The following ATF7IP2 variants were observed in gnomAD, a reference collection of about 807,000 sequenced individuals.
ATF7IP2 encodes activating transcription factor 7-interacting protein 2.
ATF7IP2 carries 42 observed loss-of-function variants against 64.2 expected under a neutral mutation model. That is an observed-to-expected ratio of 0.65 (90% CI 0.51 to 0.85). ATF7IP2 has a LOEUF of 0.85. ATF7IP2 is among the 40% of genes least tolerant of loss of function. ATF7IP2 has a pLI of 0.00. For missense variants in ATF7IP2, 933 were observed against 784.2 expected (o/e 1.19, Z -2.27); for synonymous variants, 308 against 272.8 (o/e 1.13, Z -1.27).
intron 9 of ATF7IP2, among the ~76,000 whole-genome samples, chr16:10,461,199 T>C (rs985868245): frequency 1.3e-5 from 2 of 152,118 alleles, no homozygotes; most frequent in Non-Finnish European, 2.9e-5. Context: ...CTACTGGGTA[T>C]TGGTGAAGTT....
chr16:10,411,352 T>TG (rs1174403989), intron 1 of ATF7IP2, among the ~76,000 whole-genome samples: 3 of 19,756 alleles, frequency 1.5e-4, no homozygotes, highest in African/African-American at 3.0e-4. Flanking sequence ...GGCCTTTTTG[T>TG]TTTTTTTTTT....
At chr16:10,461,084 A>T (rs2049358604) in intron 9 of ATF7IP2, among the ~76,000 whole-genome samples, 1 of 152,210 alleles carries the variant, frequency 6.6e-6, no homozygotes, top group Non-Finnish European at 1.5e-5. Context: ...CAATATACAT[A>T]TGAAAAGGTG....
chr16:10,472,253 G>A, intron 10 of ATF7IP2, 70 bp downstream of exon 10: 2 of 712,200 alleles, frequency 2.8e-6, no homozygotes, highest in Admixed American at 2.8e-5. Flanking sequence ...GCTTTAAAGT[G>A]AAAAATTGAA....
intron 9 of ATF7IP2, among the ~76,000 whole-genome samples, chr16:10,463,001 T>C (rs1335985822): frequency 6.6e-6 from 1 of 152,214 alleles, no homozygotes; most frequent in African/African-American, 2.4e-5. Context: ...TTCTTGGTTA[T>C]TTTTTACAAA....
chr16:10,427,259 A>G (rs939805779), intron 3 of ATF7IP2, among the ~76,000 whole-genome samples: 2 of 152,216 alleles, frequency 1.3e-5, no homozygotes, highest in African/African-American at 4.8e-5. Context: ...AGACAAGTAA[A>G]CATAGCTAAT....
At chr16:10,388,892 G>C (rs1174013508) in intron 1 of ATF7IP2, among the ~76,000 whole-genome samples, 1 of 151,958 alleles carries the variant, frequency 6.6e-6, no homozygotes, top group Non-Finnish European at 1.5e-5. Context: ...GGCGCCTGTA[G>C]TCCCAGCTTC....
intron 1 of ATF7IP2, among the ~76,000 whole-genome samples, chr16:10,405,543 C>G (rs1287762191): frequency 6.6e-6 from 1 of 152,198 alleles, no homozygotes; most frequent in East Asian, 1.9e-4. Context: ...GAGAAACATC[C>G]TGCCTAACCA....
At chr16:10,408,616 G>T (rs1050347523) in intron 1 of ATF7IP2, among the ~76,000 whole-genome samples, 1 of 152,112 alleles carries the variant, frequency 6.6e-6, no homozygotes, top group East Asian at 1.9e-4. Context: ...TCATATGTTT[G>T]TTGGCCATTG....
chr16:10,478,149 A>G (rs547572837), intron 12 of ATF7IP2, among the ~76,000 whole-genome samples: 1 of 150,772 alleles, frequency 6.6e-6, no homozygotes, highest in Non-Finnish European at 1.5e-5. Flanking sequence ...ATTGGAAAAA[A>G]CTACTTTAAA....
intron 1 of ATF7IP2, among the ~76,000 whole-genome samples, chr16:10,404,669 C>T (rs2047600223): frequency 1.3e-5 from 2 of 152,168 alleles, no homozygotes; most frequent in Admixed American, 1.3e-4. Flanking sequence ...CTGCCTCCAG[C>T]TGGGACTACA....
rs1210289473 is a variant in ATF7IP2 at position 10,416,493 on chromosome 16, T to TA, written c.-203+1886dup. 2.0e-5 allele frequency among the ~76,000 whole-genome samples: 3 copies of TA among 152,132 alleles called. No homozygotes were observed. In the East Asian group the frequency reaches 5.8e-4, roughly 29 times the overall value. On this transcript the variant is annotated intron_variant, in intron 2 of 13. Coordinates refer to ENST00000562102, the MANE Select transcript of ATF7IP2 (RefSeq NM_001393719.1). Reference sequence around the variant, plus strand: ...AGAAGGTGGGGGTGGTTAATGGGTATAAAAAGTAGTTAGAATGGGCCAGGC... The same window carrying TA: ...AGAAGGTGGGGGTGGTTAATGGGTATAAAAAAGTAGTTAGAATGGGCCAGGC...
intron 9 of ATF7IP2, among the ~76,000 whole-genome samples, chr16:10,470,801 G>GTATATA (rs111732771): frequency 6.9e-6 from 1 of 144,846 alleles, no homozygotes; most frequent in African/African-American, 2.6e-5. Flanking sequence ...ATATATATAT[G>GTATATA]TATATATATA....
rs756440051 is a variant in ATF7IP2, at chr16:10,440,444, C to A, written c.1176C>A (p.Ser392=). The change falls in exon 8 of 14, where the codon TCC becomes TCA. Residue 392 remains serine, a synonymous_variant. Transcript: ENST00000562102. ...QRNCLKPNML[S]SNGASKVANS... ...ATTGTTTGAAACCAAACATGTTATC[C>A]AGTAATGGAGCCTCTAAGGTTTGTA... 3 of 1,541,430 alleles carry A rather than the reference C, an allele frequency of 1.9e-6. No homozygotes were observed. The Admixed American group carries it at 6.3e-5, about 32-fold the overall frequency.
intron 7 of ATF7IP2, among the ~76,000 whole-genome samples, chr16:10,438,977 A>G (rs2048515709): frequency 6.8e-6 from 1 of 148,054 alleles, no homozygotes; most frequent in Non-Finnish European, 1.5e-5. Flanking sequence ...TGCTTGAACC[A>G]AGGAGGCAGA....
chr16:10,450,591 A>G (rs897566028), intron 8 of ATF7IP2, among the ~76,000 whole-genome samples: 5 of 151,154 alleles, frequency 3.3e-5, no homozygotes, highest in African/African-American at 1.2e-4. Context: ...TCTTTTGATC[A>G]TTGTTGGTTT....
intron 1 of ATF7IP2, among the ~76,000 whole-genome samples, chr16:10,405,022 T>C (rs1596447026): frequency 6.6e-6 from 1 of 152,148 alleles, no homozygotes; most frequent in Admixed American, 6.5e-5. Flanking sequence ...CACCAGTAAG[T>C]AGACCCTCCC....
In ATF7IP2 at chr16:10,430,649, A is replaced by G; in HGVS notation, c.29A>G (p.Lys10Arg). The G allele has an allele frequency of 6.2e-7, 1 of 1,613,768 alleles. No individual in the cohort carries two copies. Among genetic ancestry groups the G allele is most frequent in the South Asian group, 1.1e-5 (1 of 91,058 alleles). The change falls in exon 5 of 14, where the codon AAG (lysine) becomes AGG (arginine). Residue 10 changes from lysine (K) to arginine (R), a missense_variant. Lys to Arg is a conservative substitution (Grantham distance 26). Coordinates refer to ENST00000562102, the MANE Select transcript of ATF7IP2 (RefSeq NM_001393719.1). Reference protein sequence around the residue: MASPDRSKRKILKAKKTMPL... With the variant: MASPDRSKRRILKAKKTMPL... ...GCAAGTCCAGATAGAAGTAAACGGA[A>G]GATATTAAAAGCCAAAAAGACAATG...
rs2048261883 is a variant in ATF7IP2, at chr16:10,431,734, C to T, written c.835+279C>T. ...GCAATTATTTGGTTCATTTCATATA[C>T]ATCTCTTCTTATTTTGAAGTTTTAT... On this transcript the variant is annotated intron_variant, in intron 5 of 13. Coordinates refer to ENST00000562102, the MANE Select transcript of ATF7IP2 (RefSeq NM_001393719.1). 2.0e-5 allele frequency among the ~76,000 whole-genome samples: 3 copies of T among 151,458 alleles called. 1 individual carries two copies. In the South Asian group the frequency reaches 6.2e-4, roughly 32 times the overall value.
chr16:10,442,872 GT>G (rs1284807630), intron 8 of ATF7IP2, among the ~76,000 whole-genome samples: 1 of 152,060 alleles, frequency 6.6e-6, no homozygotes, highest in Non-Finnish European at 1.5e-5. Flanking sequence ...TCCAATCCAC[GT>G]TTTTATTAAC....
Sources: gnomAD v4.1 joint callset for allele counts (sites outside exome capture counted in the v4.1 genomes callset) on GRCh38, gnomAD v4.1.1 for gene constraint, MANE v1.5 for transcripts, NCBI Gene and HGNC (gene_info 2026-07-23, HGNC 2026-07-21) for gene names.